Variants in ABCC8 observed in about 807,000 individuals in gnomAD.
ABCC8 encodes the protein ATP binding cassette subfamily C member 8, also known as ATP-binding cassette sub-family C member 8.
In ABCC8, 137 loss-of-function variants were observed where a neutral mutation model predicts 188.0. The ratio of observed to expected loss-of-function variants is 0.73; its 90% CI spans 0.63 to 0.84. The LOEUF (loss-of-function observed/expected upper bound fraction) is 0.84. Ranked by LOEUF, ABCC8 falls within the 40% of genes least tolerant of loss-of-function variation. ABCC8 has a pLI of 0.00. For missense variants in ABCC8, 1,750 were observed against 2,072.7 expected (o/e 0.84, Z 3.02); for synonymous variants, 797 against 846.5 (o/e 0.94, Z 1.01).
In ABCC8 at chr11:17,404,737, C is replaced by T. The variant is rs896172122; in HGVS notation, c.3400-68G>A. On this transcript the variant is annotated intron_variant, in intron 27 of 38. Transcript: ENST00000389817. The surrounding 1 kb of genome is among the most constrained non-coding windows in gnomAD (Gnocchi z 4.7). Reference sequence around the variant, plus strand: ...TGACTGTGTTTAGAGTGCTACTGGCCGCCATGTTTTGCTCTCACTTTATTT... The same window carrying T: ...TGACTGTGTTTAGAGTGCTACTGGCTGCCATGTTTTGCTCTCACTTTATTT... 8.1e-5 allele frequency: 125 copies of T among 1,549,098 alleles called. No individual in the cohort carries two copies. Among genetic ancestry groups the T allele is most frequent in the African/African-American group, 4.7e-4 (34 of 73,036 alleles).
chr11:17,460,840 A>C, intron 5 of ABCC8, 164 bp from the exon 6 acceptor site: 2 of 1,436,474 alleles, frequency 1.4e-6, no homozygotes, highest in Non-Finnish European at 1.9e-6. Context: ...CAGCAAGTGC[A>C]CAGTTGGGAG....
intron 2 of ABCC8, among the ~76,000 whole-genome samples, chr11:17,471,873 T>G (rs1396034675): frequency 6.6e-6 from 1 of 152,224 alleles, no homozygotes; most frequent in Non-Finnish European, 1.5e-5. Flanking sequence ...GATATTGATA[T>G]TCTTTAGTGA....
Position 17,475,038 on chromosome 11 carries a change from A to G in ABCC8, c.149-11T>C. On this transcript the variant is annotated splice_polypyrimidine_tract_variant and intron_variant, in intron 1 of 38. Transcript: ENST00000389817. ...TCTGACTTCCCCATCCTGCAGGGAGAGACAGTCAGAGGCAGGATGCCTGCC... is the reference window on the plus strand; with the variant it reads ...TCTGACTTCCCCATCCTGCAGGGAGGGACAGTCAGAGGCAGGATGCCTGCC... The G allele has an allele frequency of 6.2e-7, 1 of 1,614,064 alleles. No individual in the cohort carries two copies. Among genetic ancestry groups the G allele is most frequent in the Non-Finnish European group, 8.5e-7 (1 of 1,179,996 alleles).
intron 5 of ABCC8, chr11:17,461,359 G>A (rs988897055): frequency 6.6e-6 from 4 of 606,756 alleles, no homozygotes; most frequent in Admixed American, 2.8e-5. Flanking sequence ...TGGACTAGAC[G>A]ACCTAAACGG....
chr11:17,396,088 C>A, intron 33 of ABCC8, 158 bp from the exon 34 acceptor site: 1 of 1,474,380 alleles, frequency 6.8e-7, no homozygotes, highest in Non-Finnish European at 9.0e-7. Context: ...CAGGTTTGGG[C>A]TTGTTTCCTG....
intron 6 of ABCC8, 143 bp from the exon 7 acceptor site, chr11:17,453,426 G>A: frequency 1.7e-6 from 2 of 1,156,576 alleles, no homozygotes; most frequent in Non-Finnish European, 2.5e-6. Context: ...TTGTTTATGA[G>A]TGAAAAATCA....
Position 17,416,814 on chromosome 11 carries a change from T to C in ABCC8, c.2255+116A>G, listed in dbSNP as rs1403151671. 6.1e-6 allele frequency: 9 copies of C among 1,469,052 alleles called. No homozygotes were observed. The African/African-American group carries it at 8.4e-5, about 14-fold the overall frequency. The allele number at this position is 1,469,052 out of a possible 1,614,324, so 91.0% of individuals were successfully genotyped here. A position where few individuals can be genotyped will look rare whatever the true frequency, so the allele number is the denominator to read the frequency against. On this transcript the variant is annotated intron_variant, in intron 17 of 38. Transcript: ENST00000389817. Reference sequence around the variant, plus strand: ...CCTTAGCCCCATGTCTCTGAAAATATGTAGGCTGCACATCCCTGAATCCAT... The same window carrying C: ...CCTTAGCCCCATGTCTCTGAAAATACGTAGGCTGCACATCCCTGAATCCAT...
In ABCC8 at chr11:17,427,959, C is replaced by T; in HGVS notation, c.2041-17G>A. ...TCCCATGATCTTCATTAGGCGTGTC[C>T]CACCGCCCAGGAGAGAACAGAAAGG... On this transcript the variant is annotated splice_polypyrimidine_tract_variant and intron_variant, in intron 14 of 38. Coordinates refer to ENST00000389817, the MANE Select transcript of ABCC8 (RefSeq NM_000352.6). The surrounding 1 kb of genome is among the most constrained non-coding windows in gnomAD (Gnocchi z 5.0). 6.2e-7 allele frequency: 1 copy of T among 1,612,174 alleles called. No individual in the cohort carries two copies. Among genetic ancestry groups the T allele is most frequent in the Non-Finnish European group, 8.5e-7 (1 of 1,179,176 alleles).
chr11:17,441,677 G>C (rs898248858), intron 10 of ABCC8, among the ~76,000 whole-genome samples: 2 of 152,160 alleles, frequency 1.3e-5, no homozygotes, highest in African/African-American at 2.4e-5. Flanking sequence ...CCAACTGTGA[G>C]ATAAACTTGG....
At chr11:17,415,731 A>G (rs1310834236) in intron 17 of ABCC8, among the ~76,000 whole-genome samples, 1 of 152,206 alleles carries the variant, frequency 6.6e-6, no homozygotes, top group Non-Finnish European at 1.5e-5. Flanking sequence ...AGCTGCACAA[A>G]CAGCTGGGGC....
chr11:17,461,555 T>C (rs995640925), intron 5 of ABCC8, 28 bp downstream of exon 5: 3 of 1,614,018 alleles, frequency 1.9e-6, no homozygotes, highest in Middle Eastern at 3.3e-4. Context: ...AGGCAGTGAA[T>C]AGATGGTGTG....
intron 33 of ABCC8, 36 bp from the exon 34 acceptor site, chr11:17,395,966 CT>C: frequency 6.4e-7 from 1 of 1,554,058 alleles, no homozygotes; most frequent in Non-Finnish European, 8.7e-7. Flanking sequence ...CACTGGGACT[CT>C]GGGGCTGCTG....
At position 17,394,146 on chromosome 11, in the gene ABCC8, C is replaced by T. The variant is rs1953778475; in HGVS notation, c.4545+120G>A. ...CCCCAGCTCTTTTCATTTTCTGCAACACATAGCATTTGATGTTAGAGGCAA... is the reference window on the plus strand; with the variant it reads ...CCCCAGCTCTTTTCATTTTCTGCAATACATAGCATTTGATGTTAGAGGCAA... On this transcript the variant is annotated intron_variant, in intron 37 of 38. Coordinates refer to ENST00000389817, the MANE Select transcript of ABCC8 (RefSeq NM_000352.6). 3.8e-6 allele frequency: 5 copies of T among 1,321,004 alleles called. No homozygotes were observed. The Admixed American group carries it at 6.9e-5, about 18-fold the overall frequency. The allele number at this position is 1,321,004 out of a possible 1,614,324, so 81.8% of individuals were successfully genotyped here.
chr11:17,414,807 G>A, intron 18 of ABCC8, 197 bp from the exon 19 acceptor site: 1 of 589,048 alleles, frequency 1.7e-6, no homozygotes, highest in Non-Finnish European at 2.1e-6. Context: ...TCAACTGACT[G>A]GGGCAGCAGG....
At chr11:17,460,793 C>T (rs1004082365) in intron 5 of ABCC8, 117 bp from the exon 6 acceptor site, 6 of 1,539,580 alleles carry the variant, frequency 3.9e-6, no homozygotes, top group South Asian at 2.4e-5. Flanking sequence ...GTCACATCCT[C>T]TGCAAATAGG....
intron 6 of ABCC8, among the ~76,000 whole-genome samples, chr11:17,456,432 C>T (rs969392633): frequency 5.9e-5 from 9 of 152,164 alleles, no homozygotes; most frequent in African/African-American, 2.2e-4. Context: ...ATTGTCTCTG[C>T]CAGGCCAGAG....
At chr11:17,448,456 C>T in intron 8 of ABCC8, 60 bp downstream of exon 8, 2 of 1,484,744 alleles carry the variant, frequency 1.3e-6, no homozygotes, top group Non-Finnish European at 1.9e-6. Context: ...GGCCATGGAC[C>T]AGCAGATTCT....
chr11:17,413,448 C>T lies in ABCC8; in HGVS notation c.2421G>A (p.Leu807=). The change falls in exon 20 of 39, where the codon CTG becomes CTA. Residue 807 remains leucine, a synonymous_variant. Transcript: ENST00000389817. The stretch of plus-strand genomic sequence containing the variant: ...GGGGCAGGATGTCGATGTCTGGCTG[C>T]AGAGAGCAGGCTTCAATGACCATCT... ...RYKMVIEACS[L]QPDIDILPHG... The T allele has an allele frequency of 6.2e-7, 1 of 1,614,148 alleles. No individual in the cohort carries two copies. The highest frequency in any genetic ancestry group is 1.3e-5 in the African/African-American group (1 of 75,050).
At chr11:17,471,665 C>G (rs186254838) in intron 2 of ABCC8, among the ~76,000 whole-genome samples, 2 of 152,310 alleles carry the variant, frequency 1.3e-5, no homozygotes, top group Admixed American at 6.5e-5. Flanking sequence ...AGAGGCATGT[C>G]GGCAGCATGC....
Sources: allele counts gnomAD v4.1 joint callset (sites outside exome capture counted in the v4.1 genomes callset), GRCh38; gene constraint gnomAD v4.1.1; non-coding constraint Gnocchi (gnomAD v3.1); transcripts MANE v1.5; gene names NCBI Gene and HGNC (gene_info 2026-07-23, HGNC 2026-07-21).